The following NCAM2 variants were observed in gnomAD, a reference collection of about 807,000 sequenced individuals.
The protein encoded by NCAM2 is neural cell adhesion molecule 2.
A neutral mutation model predicts 98.1 loss-of-function variants in NCAM2; 30 were observed. The observed-to-expected ratio is 0.31, with a 90% confidence interval of 0.23 to 0.41. NCAM2 has a LOEUF of 0.41. NCAM2 is among the 10% of genes least tolerant of loss of function. NCAM2 has a pLI of 1.00. For synonymous variants in NCAM2, 368 were observed against 342.4 expected (o/e 1.07, Z -0.83); for missense variants, 867 against 1,005.8 (o/e 0.86, Z 1.87).
intron 5 of NCAM2, among the ~76,000 whole-genome samples, chr21:21,310,461 A>C (rs1376972690): frequency 2.0e-5 from 3 of 152,176 alleles, no homozygotes; most frequent in Non-Finnish European, 1.5e-5. Flanking sequence ...GAAGAGTCTG[A>C]TGAACTGAAG....
At chr21:21,467,168 A>T (rs2250279) in intron 13 of NCAM2, among the ~76,000 whole-genome samples, 1 of 151,522 alleles carries the variant, frequency 6.6e-6, no homozygotes. Flanking sequence ...TAATTCATTA[A>T]AACAGTGACT....
chr21:21,214,349 A>G (rs566671553), intron 1 of NCAM2, among the ~76,000 whole-genome samples: 8 of 152,222 alleles, frequency 5.3e-5, no homozygotes, highest in Non-Finnish European at 1.0e-4. Flanking sequence ...TATTCTTTCC[A>G]TGATATCTCA....
intron 12 of NCAM2, among the ~76,000 whole-genome samples, chr21:21,437,280 A>G (rs1978503855): frequency 6.6e-6 from 1 of 152,070 alleles, no homozygotes; most frequent in South Asian, 2.1e-4. Context: ...TACCTTGATC[A>G]AGAAACCAGA....
chr21:21,335,387 C>T (rs2147860063), intron 6 of NCAM2, 118 bp from the exon 7 acceptor site: 1 of 647,008 alleles, frequency 1.5e-6, no homozygotes, highest in Non-Finnish European at 2.4e-6. Context: ...GAATATAGCC[C>T]TGTCTTTCAA....
intron 15 of NCAM2, among the ~76,000 whole-genome samples, chr21:21,479,772 G>A (rs1985662147): frequency 1.0e-5 from 1 of 98,416 alleles, no homozygotes; most frequent in Non-Finnish European, 2.2e-5. Flanking sequence ...CGTGTCCTGA[G>A]AGCTTTGTAG....
Position 21,539,713 on chromosome 21 carries a change from G to C in NCAM2, c.*1756G>C, listed in dbSNP as rs1990154449. The stretch of plus-strand genomic sequence containing the variant: ...GTTAAATGCGGGAATCTCTCCTTGC[G>C]TTCCTGTCTGGCGTATTCTGAAGAA... On this transcript the variant is annotated 3_prime_UTR_variant, in exon 18 of 18. Coordinates refer to ENST00000400546, the MANE Select transcript of NCAM2 (RefSeq NM_004540.5). 6.6e-6 allele frequency: 1 copy of C among 152,114 alleles called. No homozygotes were observed. Among genetic ancestry groups the C allele is most frequent in the Admixed American group, 6.6e-5 (1 of 15,244 alleles). The allele number at this position is 152,114 out of a possible 1,614,324, so 9.4% of individuals were successfully genotyped here.
At chr21:21,041,714 G>A (rs1026624036) in intron 1 of NCAM2, among the ~76,000 whole-genome samples, 1 of 152,146 alleles carries the variant, frequency 6.6e-6, no homozygotes, top group African/African-American at 2.4e-5. Context: ...CTTTGCTTCA[G>A]GGAAAGACGT....
rs137938618 is a variant in NCAM2 at position 21,119,237 on chromosome 21, T to C, written c.55+120619T>C. ...ACTTCACAGTAATATTATAGTCCTT[T>C]CGTTACTTTAATTAATGTCACATCT... is the stretch of plus-strand genomic sequence containing the variant. On this transcript the variant is annotated intron_variant, in intron 1 of 17. Coordinates refer to ENST00000400546, the MANE Select transcript of NCAM2 (RefSeq NM_004540.5). Among the ~76,000 whole-genome samples the C allele has an allele frequency of 3.2e-3, 483 of 152,272 alleles. 2 individuals carry two copies. The highest frequency in any genetic ancestry group is 0.011 in the African/African-American group (457 of 41,560).
chr21:21,200,355 C>T (rs529797023), intron 1 of NCAM2, among the ~76,000 whole-genome samples: 4 of 149,718 alleles, frequency 2.7e-5, no homozygotes, highest in Non-Finnish European at 5.9e-5. Flanking sequence ...TCATATAGTC[C>T]GTCAACTCTC....
At chr21:21,463,609 T>G (rs1240780535) in intron 12 of NCAM2, 1 of 152,088 alleles carries the variant, frequency 6.6e-6, no homozygotes, top group African/African-American at 2.4e-5. Context: ...CCAACTGATG[T>G]GAAACTCGGT....
chr21:21,357,699 G>A (rs996005905), intron 8 of NCAM2, among the ~76,000 whole-genome samples: 5 of 151,606 alleles, frequency 3.3e-5, no homozygotes, highest in Admixed American at 2.6e-4. Flanking sequence ...ACTTATATGA[G>A]GAATTTTATT....
At chr21:21,070,284 T>TATATATATAG (rs1444204618) in intron 1 of NCAM2, among the ~76,000 whole-genome samples, 1 of 150,138 alleles carries the variant, frequency 6.7e-6, no homozygotes, top group African/African-American at 2.4e-5. Flanking sequence ...TATATATATA[T>TATATATATAG]ATAATCTAAT....
chr21:21,076,132 A>T (rs1295349587), intron 1 of NCAM2, among the ~76,000 whole-genome samples: 1 of 151,164 alleles, frequency 6.6e-6, no homozygotes, highest in East Asian at 1.9e-4. Flanking sequence ...AAAAAAAAAG[A>T]ATATGACCAT....
intron 5 of NCAM2, among the ~76,000 whole-genome samples, chr21:21,320,407 G>T (rs1437306535): frequency 6.6e-6 from 1 of 151,428 alleles, no homozygotes; most frequent in African/African-American, 2.4e-5. Flanking sequence ...TTTAAATTTT[G>T]TATGCATTTT....
intron 1 of NCAM2, among the ~76,000 whole-genome samples, chr21:21,247,282 G>T (rs1436397945): frequency 6.6e-6 from 1 of 152,130 alleles, no homozygotes; most frequent in East Asian, 1.9e-4. Context: ...TCTCGCCACT[G>T]CACTCCAGCT....
At chr21:21,429,159 G>C (rs1308424331) in intron 11 of NCAM2, among the ~76,000 whole-genome samples, 1 of 152,210 alleles carries the variant, frequency 6.6e-6, no homozygotes. Flanking sequence ...GCTACAGTAA[G>C]TGTCAGCAGA....
chr21:21,520,779 C>T (rs1354592107), intron 16 of NCAM2, among the ~76,000 whole-genome samples: 1 of 152,032 alleles, frequency 6.6e-6, no homozygotes, highest in East Asian at 1.9e-4. Context: ...TAAGCAGAAA[C>T]GTCTGTGAGA....
At chr21:21,200,647 C>T (rs1002532097) in intron 1 of NCAM2, among the ~76,000 whole-genome samples, 1 of 151,446 alleles carries the variant, frequency 6.6e-6, no homozygotes, top group Non-Finnish European at 1.5e-5. Context: ...GTTAACTTAC[C>T]ACACTGCTAT....
chr21:21,450,222 G>A (rs1001476756), intron 12 of NCAM2, among the ~76,000 whole-genome samples: 24 of 151,690 alleles, frequency 1.6e-4, no homozygotes, highest in Admixed American at 3.3e-4. Context: ...TGACAATACT[G>A]TGTATATATA....
Sources: gnomAD v4.1 joint callset for allele counts (sites outside exome capture counted in the v4.1 genomes callset) on GRCh38, gnomAD v4.1.1 for gene constraint, MANE v1.5 for transcripts, NCBI Gene and HGNC (gene_info 2026-07-23, HGNC 2026-07-21) for gene names.